Variants in DOCK1 observed in about 807,000 individuals in gnomAD.
DOCK1 encodes the protein dedicator of cytokinesis protein 1.
In DOCK1, 138 loss-of-function variants were observed where a neutral mutation model predicts 262.7. That is an observed-to-expected ratio of 0.53 (90% confidence interval 0.46 to 0.61). DOCK1 has a LOEUF of 0.61. DOCK1 is among the 20% of genes least tolerant of loss of function. DOCK1 has a pLI of 0.00. For synonymous variants in DOCK1, 866 were observed against 867.4 expected (o/e 1.00, Z 0.03); for missense variants, 1,908 against 2,370.7 (o/e 0.80, Z 4.05).
rs1470352629 is a variant in DOCK1, at chr10:127,248,124, C to T, written c.2949+15C>T. The T allele has an allele frequency of 3.7e-6, 6 of 1,607,750 alleles. No homozygotes were observed. In the Admixed American group the frequency reaches 5.0e-5, roughly 13 times the overall value. The stretch of plus-strand genomic sequence containing the variant: ...CTGATGTGGTAGTAAGTGTCCCTTT[C>T]ACCCTGTTCACATAACCATGTTTTA... On this transcript the variant is annotated intron_variant, in intron 28 of 51. Coordinates refer to ENST00000623213, the MANE Select transcript of DOCK1 (RefSeq NM_001290223.2).
chr10:127,023,756 C>T (rs1251667493), intron 14 of DOCK1, among the ~76,000 whole-genome samples: 1 of 152,112 alleles, frequency 6.6e-6, no homozygotes, highest in African/African-American at 2.4e-5. Flanking sequence ...GTGGTCTTGA[C>T]CACCTTTGCC....
intron 1 of DOCK1, among the ~76,000 whole-genome samples, chr10:126,957,188 A>C (rs2036814287): frequency 6.6e-6 from 1 of 152,206 alleles, no homozygotes; most frequent in African/African-American, 2.4e-5. Flanking sequence ...ATAATGTAAC[A>C]ACGACAGAGG....
rs2229600 is a variant in DOCK1 at position 127,418,394 on chromosome 10, T to G, written c.4545T>G (p.Ile1515Met). Residue 1515 changes from isoleucine (I) to methionine (M), a missense_variant, in exon 45 of 52, where the codon ATT (isoleucine) becomes ATG (methionine). Ile to Met is a conservative substitution (Grantham distance 10). Coordinates refer to ENST00000623213, the MANE Select transcript of DOCK1 (RefSeq NM_001290223.2). ...AAATCAGCCCCCTGGAGAATGCCAT[T>G]GAGACCATGCAGCTGACGAACGACA... ...MVEISPLENA[I>M]ETMQLTNDKI... 5.6e-6 allele frequency: 9 copies of G among 1,612,812 alleles called. No individual in the cohort carries two copies. Among genetic ancestry groups the G allele is most frequent in the Non-Finnish European group, 7.6e-6 (9 of 1,179,524 alleles).
intron 27 of DOCK1, among the ~76,000 whole-genome samples, chr10:127,194,911 C>G (rs111722054): frequency 1.6e-4 from 1 of 6,252 alleles, no homozygotes; most frequent in African/African-American, 2.6e-4. Flanking sequence ...ACCGCTTCAC[C>G]GCTGCTTCTG....
intron 44 of DOCK1, among the ~76,000 whole-genome samples, chr10:127,417,426 G>A (rs943209): frequency 0.3 from 44,419 of 150,454 alleles, 6,793 homozygotes; most frequent in East Asian, 0.42. Flanking sequence ...TGAGAGACAC[G>A]CACTGGAGCC....
intron 6 of DOCK1, among the ~76,000 whole-genome samples, chr10:126,993,222 C>T (rs1459505574): frequency 6.6e-6 from 1 of 152,222 alleles, no homozygotes; most frequent in Non-Finnish European, 1.5e-5. Flanking sequence ...CTCGTGTGTT[C>T]CCTGAGGGAA....
At chr10:126,938,952 G>T (rs1195922176) in intron 1 of DOCK1, among the ~76,000 whole-genome samples, 3 of 79,680 alleles carry the variant, frequency 3.8e-5, no homozygotes, top group African/African-American at 1.6e-4. Flanking sequence ...CACTGGGGGG[G>T]CGAACACCTG....
At chr10:127,097,044 G>A (rs1416915617) in intron 23 of DOCK1, among the ~76,000 whole-genome samples, 1 of 152,150 alleles carries the variant, frequency 6.6e-6, no homozygotes, top group Admixed American at 6.5e-5. Flanking sequence ...GGTGGAGGTT[G>A]CAGTGAGCCA....
chr10:127,239,807 T>A (rs1425382500), intron 27 of DOCK1, among the ~76,000 whole-genome samples: 2 of 152,282 alleles, frequency 1.3e-5, no homozygotes, highest in Non-Finnish European at 2.9e-5. Flanking sequence ...GTATAAAATT[T>A]TCTGCTTTGC....
intron 29 of DOCK1, among the ~76,000 whole-genome samples, chr10:127,273,759 T>C (rs1456085645): frequency 6.6e-6 from 1 of 151,940 alleles, no homozygotes; most frequent in Non-Finnish European, 1.5e-5. Context: ...GGCAGGCACC[T>C]GTAGTCCAGC....
Position 127,428,434 on chromosome 10 carries a change from G to A in DOCK1, c.4914+2423G>A, listed in dbSNP as rs112407551. ...GGGGTGCCGTGTGAATTGGGGTGCC[G>A]TGTGAATTGGAGTGCCTTGTGGATT... On this transcript the variant is annotated intron_variant, in intron 47 of 51. Coordinates refer to ENST00000623213, the MANE Select transcript of DOCK1 (RefSeq NM_001290223.2). 1.1e-3 allele frequency among the ~76,000 whole-genome samples: 162 copies of A among 150,746 alleles called. 1 individual carries two copies. The highest frequency in any genetic ancestry group is 3.1e-3 in the African/African-American group (127 of 41,076).
intron 1 of DOCK1, among the ~76,000 whole-genome samples, chr10:126,966,533 G>C (rs1348618988): frequency 1.3e-5 from 2 of 152,058 alleles, no homozygotes; most frequent in African/African-American, 4.8e-5. Context: ...TCTTATCTCT[G>C]CACCTCACTG....
intron 32 of DOCK1, among the ~76,000 whole-genome samples, chr10:127,358,235 T>C (rs2064240130): frequency 6.6e-6 from 1 of 152,134 alleles, no homozygotes; most frequent in South Asian, 2.1e-4. Context: ...AGCTCTTGCC[T>C]CCTCCTTGCC....
At chr10:127,249,713 A>G (rs1174840110) in intron 28 of DOCK1, among the ~76,000 whole-genome samples, 2 of 152,196 alleles carry the variant, frequency 1.3e-5, no homozygotes, top group Non-Finnish European at 2.9e-5. Flanking sequence ...TTCCATTACA[A>G]TTTTTGGACC....
intron 1 of DOCK1, among the ~76,000 whole-genome samples, chr10:126,906,999 G>A (rs1397337672): frequency 6.6e-6 from 1 of 152,160 alleles, no homozygotes. Flanking sequence ...GGAAACTGAG[G>A]CCCAGACACA....
At chr10:127,110,876 A>AT (rs1216279144) in intron 25 of DOCK1, among the ~76,000 whole-genome samples, 3 of 152,022 alleles carry the variant, frequency 2.0e-5, no homozygotes, top group South Asian at 2.1e-4. Flanking sequence ...TTTAGTAATC[A>AT]TTTTTTTTCT....
chr10:127,044,944 C>G (rs1383688312), intron 21 of DOCK1, among the ~76,000 whole-genome samples: 1 of 152,008 alleles, frequency 6.6e-6, no homozygotes, highest in Non-Finnish European at 1.5e-5. Context: ...CACCTGTAAT[C>G]CCAGCACTTT....
intron 1 of DOCK1, among the ~76,000 whole-genome samples, chr10:126,946,821 AC>A (rs1361351577): frequency 1.3e-5 from 2 of 152,190 alleles, no homozygotes; most frequent in Non-Finnish European, 2.9e-5. Context: ...CTTGATGGAC[AC>A]TTGTGACATG....
chr10:127,311,678 C>T (rs2062067386), intron 29 of DOCK1, among the ~76,000 whole-genome samples: 1 of 152,106 alleles, frequency 6.6e-6, no homozygotes, highest in Non-Finnish European at 1.5e-5. Flanking sequence ...TCGTCCTTTA[C>T]ATAACTGTTG....
Sources: allele counts gnomAD v4.1 joint callset (sites outside exome capture counted in the v4.1 genomes callset), GRCh38; gene constraint gnomAD v4.1.1; transcripts MANE v1.5; gene names NCBI Gene and HGNC (gene_info 2026-07-23, HGNC 2026-07-21).